The following NDE1 variants were observed in gnomAD, a reference collection of about 807,000 sequenced individuals.
NDE1 encodes the protein nuclear distribution protein nudE homolog 1.
Under a neutral mutation model 43.4 loss-of-function variants are expected in NDE1, and 28 were observed. The ratio of observed to expected loss-of-function variants is 0.65; its 90% CI spans 0.48 to 0.89. NDE1 has a LOEUF of 0.89. NDE1 is among the 40% of genes least tolerant of loss of function. The pLI, the probability that NDE1 is intolerant of heterozygous loss-of-function variation, is 0.00. For synonymous variants in NDE1, 184 were observed against 172.0 expected (o/e 1.07, Z -0.55); for missense variants, 441 against 434.1 (o/e 1.02, Z -0.14).
chr16:15,692,172 T>C (rs2038787969), intron 6 of NDE1, among the ~76,000 whole-genome samples: 1 of 152,178 alleles, frequency 6.6e-6, no homozygotes, highest in African/African-American at 2.4e-5. Flanking sequence ...GTGCTCAGTG[T>C]GTGCTGGCCA....
chr16:15,723,691 G>C (rs764225958), intron 8 of NDE1, among the ~76,000 whole-genome samples: 8 of 152,146 alleles, frequency 5.3e-5, no homozygotes, highest in Non-Finnish European at 1.2e-4. Context: ...GTCAATGACT[G>C]AATCCAGGTG....
intron 8 of NDE1, chr16:15,715,176 C>G: frequency 6.2e-7 from 1 of 1,613,778 alleles, no homozygotes; most frequent in South Asian, 1.1e-5. Flanking sequence ...GCTCCTTGTA[C>G]TGCTCGGCCA....
Position 15,691,185 on chromosome 16 carries a change from C to G in NDE1, c.565C>G (p.Pro189Ala), listed in dbSNP as rs745563084. 1.4e-5 allele frequency: 22 copies of G among 1,614,108 alleles called. No individual in the cohort carries two copies. The highest frequency in any genetic ancestry group is 1.9e-5 in the Non-Finnish European group (22 of 1,180,022). ...GGCCGTGCAGCAGAAGCAGGAGAAA[C>G]CCAGGACCCCCATGCCCAGCTCAGT... Reference protein sequence around the residue: ...ELAVQQKQEKPRTPMPSSVEA... With the variant: ...ELAVQQKQEKARTPMPSSVEA... Residue 189 changes from proline to alanine, a missense_variant, in exon 6 of 9, where the codon CCC becomes GCC. Transcript: ENST00000396354.
chr16:15,696,060 T>C (rs2038994356), intron 7 of NDE1: 1 of 151,928 alleles, frequency 6.6e-6, no homozygotes. Context: ...TTTTTTTTTT[T>C]TTTTAAGCCA....
At chr16:15,652,687 G>C (rs1374763753) in intron 1 of NDE1, among the ~76,000 whole-genome samples, 1 of 151,910 alleles carries the variant, frequency 6.6e-6, no homozygotes, top group Non-Finnish European at 1.5e-5. Context: ...TTTTTGAGAC[G>C]GGATCTCACT....
rs189743380 is a variant in NDE1, at chr16:15,698,661, G to A, written c.947+1801G>A. Among the ~76,000 whole-genome samples, 330 of 152,116 alleles carry A rather than the reference G, an allele frequency of 2.2e-3. 3 individuals are homozygous for A. Among genetic ancestry groups the A allele is most frequent in the African/African-American group, 7.7e-3 (318 of 41,512 alleles). On this transcript the variant is annotated intron_variant, in intron 8 of 8. Coordinates refer to ENST00000396354, the MANE Select transcript of NDE1 (RefSeq NM_017668.3). ...ATCACTTGAGGCCAGGAGTTCACAA[G>A]ACCAAACTGGGCAACATGGTGAAAC... is the stretch of plus-strand genomic sequence containing the variant.
At chr16:15,674,279 C>T (rs943886358) in intron 3 of NDE1, among the ~76,000 whole-genome samples, 1 of 151,996 alleles carries the variant, frequency 6.6e-6, no homozygotes, top group African/African-American at 2.4e-5. Flanking sequence ...GAGTCTTGTT[C>T]GTCGCCCAGA....
intron 4 of NDE1, among the ~76,000 whole-genome samples, chr16:15,679,123 G>A (rs1479357109): frequency 6.6e-6 from 1 of 152,050 alleles, no homozygotes; most frequent in Non-Finnish European, 1.5e-5. Context: ...AAAAAGCACA[G>A]ATGTTTTTTC....
intron 8 of NDE1, chr16:15,718,489 A>G: frequency 6.5e-7 from 1 of 1,536,196 alleles, no homozygotes; most frequent in Non-Finnish European, 8.7e-7. Flanking sequence ...CCGCCTTAAA[A>G]GATGCCCCCT....
At chr16:15,674,177 C>T (rs1296323403) in intron 3 of NDE1, among the ~76,000 whole-genome samples, 1 of 152,152 alleles carries the variant, frequency 6.6e-6, no homozygotes, top group Non-Finnish European at 1.5e-5. Flanking sequence ...AGATCTCCCT[C>T]TCTGTCTCTC....
intron 8 of NDE1, among the ~76,000 whole-genome samples, chr16:15,707,059 AAT>A (rs373349958): frequency 6.6e-5 from 10 of 152,036 alleles, no homozygotes; most frequent in African/African-American, 1.2e-4. Flanking sequence ...TTTTTTTTGA[AAT>A]AGAGTCTCGC....
At chr16:15,646,573 T>C (rs2036333422), upstream of NDE1, among the ~76,000 whole-genome samples, 1 of 146,994 alleles carries the variant, frequency 6.8e-6, no homozygotes, top group Non-Finnish European at 1.5e-5. Context: ...AGAACGAGAC[T>C]CCGTCAAAAA....
chr16:15,721,375 G>T, intron 8 of NDE1: 1 of 1,584,532 alleles, frequency 6.3e-7, no homozygotes, highest in South Asian at 1.1e-5. Flanking sequence ...AGCACAGAGG[G>T]TGGGCAGGCG....
chr16:15,682,474 C>T (rs1413433969), intron 4 of NDE1, among the ~76,000 whole-genome samples: 2 of 152,234 alleles, frequency 1.3e-5, no homozygotes, highest in African/African-American at 4.8e-5. Flanking sequence ...GCACCATCAG[C>T]TGTTTGATTG....
At chr16:15,664,008 G>C (rs2037177112) in intron 1 of NDE1, among the ~76,000 whole-genome samples, 1 of 152,144 alleles carries the variant, frequency 6.6e-6, no homozygotes, top group African/African-American at 2.4e-5. Flanking sequence ...GGCAGAGGTT[G>C]CAGTGAGCTG....
chr16:15,720,751 C>G, intron 8 of NDE1: 3 of 1,414,540 alleles, frequency 2.1e-6, no homozygotes, highest in Non-Finnish European at 3.0e-6. Flanking sequence ...ATAAAGAAAA[C>G]GAAGTTTCCA....
chr16:15,650,294 GGTAA>G lies in NDE1; in HGVS notation c.-44+3_-44+6del, dbSNP rs1327185043. 2 of 304,664 alleles carry G rather than the reference GGTAA, an allele frequency of 6.6e-6. No individual in the cohort carries two copies. Among genetic ancestry groups the G allele is most frequent in the Non-Finnish European group, 1.3e-5 (2 of 148,384 alleles). 18.9% of individuals were successfully genotyped at this position (304,664 alleles called of 1,614,324 possible). Reference sequence around the variant, plus strand: ...GCGTTGGCCTCGCCGCCCCTGCTCGGGTAAGTGAGGCGCTGCGCGGGGCTGGGGT... The same window carrying G: ...GCGTTGGCCTCGCCGCCCCTGCTCGGGTGAGGCGCTGCGCGGGGCTGGGGT... On this transcript the variant is annotated splice_donor_variant and splice_donor_region_variant and intron_variant, in intron 1 of 8. Coordinates refer to ENST00000396354, the MANE Select transcript of NDE1 (RefSeq NM_017668.3). LOFTEE classifies it low-confidence loss of function (5UTR_SPLICE).
chr16:15,691,258 C>A lies in NDE1; in HGVS notation c.638C>A (p.Pro213Gln), dbSNP rs112118461. ...GCTGTGCAGGCCACGGGCTCCGTGC[C>A]GTCCACGCCCATTGCTCACCGAGGA... Reference protein sequence around the residue: ...DTAVQATGSVPSTPIAHRGPS... With the variant: ...DTAVQATGSVQSTPIAHRGPS... Residue 213 changes from proline to glutamine, a missense_variant, in exon 6 of 9, where the codon CCG becomes CAG. Physicochemically the swap from Pro to Gln is moderately conservative, Grantham distance 76. Transcript: ENST00000396354. 6.8e-6 allele frequency: 11 copies of A among 1,613,976 alleles called. No homozygotes were observed. Among genetic ancestry groups the A allele is most frequent in the African/African-American group, 2.7e-5 (2 of 74,922 alleles).
At chr16:15,689,875 T>G (rs2038641776) in intron 5 of NDE1, among the ~76,000 whole-genome samples, 1 of 149,126 alleles carries the variant, frequency 6.7e-6, no homozygotes, top group Admixed American at 6.7e-5. Context: ...GGGAGGCAGA[T>G]TTACAGTGAG....
Sources: gnomAD v4.1 joint callset for allele counts (sites outside exome capture counted in the v4.1 genomes callset) on GRCh38, gnomAD v4.1.1 for gene constraint, MANE v1.5 for transcripts, NCBI Gene and HGNC (gene_info 2026-07-23, HGNC 2026-07-21) for gene names.